The following CCDC171 variants were observed in gnomAD, a reference collection of about 807,000 sequenced individuals.
CCDC171 encodes coiled-coil domain-containing protein 171.
Under a neutral mutation model 168.2 loss-of-function variants are expected in CCDC171, and 177 were observed. The ratio of observed to expected loss-of-function variants is 1.05; its 90% CI spans 0.93 to 1.19. The LOEUF is 1.19. CCDC171 is among the 50% of genes most tolerant of loss of function. The pLI, the probability that CCDC171 is intolerant of heterozygous loss-of-function variation, is 0.00. For missense variants in CCDC171, 1,991 were observed against 1,539.0 expected (o/e 1.29, Z -4.91); for synonymous variants, 687 against 540.8 (o/e 1.27, Z -3.75).
intron 1 of CCDC171, among the ~76,000 whole-genome samples, chr9:16,051,654 T>C (rs1347518452): frequency 6.6e-6 from 1 of 152,214 alleles, no homozygotes; most frequent in African/African-American, 2.4e-5. Context: ...TGCACCATGA[T>C]GGATCTGGAA....
At chr9:15,590,019 C>G (rs991342751) in intron 4 of CCDC171, among the ~76,000 whole-genome samples, 1 of 152,086 alleles carries the variant, frequency 6.6e-6, no homozygotes, top group Non-Finnish European at 1.5e-5. Flanking sequence ...AGAAGTAGAC[C>G]TACTGCAGGC....
At chr9:15,944,682 T>C (rs973044784) in intron 25 of CCDC171, among the ~76,000 whole-genome samples, 1 of 152,004 alleles carries the variant, frequency 6.6e-6, no homozygotes, top group Non-Finnish European at 1.5e-5. Flanking sequence ...TTCCTGTTAT[T>C]ATTGTTAATG....
At chr9:15,768,030 C>T (rs1272763758) in intron 18 of CCDC171, among the ~76,000 whole-genome samples, 5 of 150,226 alleles carry the variant, frequency 3.3e-5, no homozygotes, top group Non-Finnish European at 5.9e-5. Flanking sequence ...CCACTGCGCC[C>T]AGCCACTTAG....
chr9:15,602,647 C>CTTTTTTTTTTTTTTT (rs1161286304), intron 6 of CCDC171, among the ~76,000 whole-genome samples: 734 of 30,128 alleles, frequency 0.024, 48 homozygotes, highest in Non-Finnish European at 0.03. Context: ...TTTTTTTTTT[C>CTTTTTTTTTTTTTTT]TTTTTTTTTT....
At chr9:15,705,076 C>G (rs993833757) in intron 11 of CCDC171, among the ~76,000 whole-genome samples, 2 of 137,204 alleles carry the variant, frequency 1.5e-5, no homozygotes, top group African/African-American at 5.4e-5. Context: ...GCTAATAGAT[C>G]TTAAGTATCC....
chr9:16,105,541 G>A, the CCDC171 span, among the ~76,000 whole-genome samples: 1 of 152,132 alleles, frequency 6.6e-6, no homozygotes, highest in Non-Finnish European at 1.5e-5. Context: ...ATTGTTATTG[G>A]AACTAGCCTT....
At chr9:15,799,495 A>G (rs117561574) in intron 21 of CCDC171, among the ~76,000 whole-genome samples, 1 of 151,844 alleles carries the variant, frequency 6.6e-6, no homozygotes, top group East Asian at 1.9e-4. Flanking sequence ...TGGAAACTTA[A>G]TAGGGTATGT....
intron 10 of CCDC171, among the ~76,000 whole-genome samples, chr9:15,689,819 T>G (rs1183258775): frequency 6.6e-6 from 1 of 152,104 alleles, no homozygotes. Context: ...GCTACAGTAG[T>G]CAAGATAGTA....
chr9:15,699,862 T>C (rs956224864), intron 11 of CCDC171, among the ~76,000 whole-genome samples: 2 of 152,188 alleles, frequency 1.3e-5, no homozygotes, highest in African/African-American at 4.8e-5. Flanking sequence ...AGGGTGCTGA[T>C]TGGTGTGTTT....
In CCDC171 at chr9:15,934,564, A is replaced by G. The variant is rs575837198; in HGVS notation, c.3753+14142A>G. The stretch of plus-strand genomic sequence containing the variant: ...GAACCCCTATACATTGCTGGTGGGA[A>G]TGTAAAGTGGTAAACCACTGTGGAA... On this transcript the variant is annotated intron_variant, in intron 25 of 25. Transcript: ENST00000380701. 1.8e-3 allele frequency among the ~76,000 whole-genome samples: 270 copies of G among 152,154 alleles called. 1 individual carries two copies. Among genetic ancestry groups the G allele is most frequent in the African/African-American group, 6.2e-3 (258 of 41,552 alleles).
intron 16 of CCDC171, among the ~76,000 whole-genome samples, chr9:15,736,403 G>A (rs2054495484): frequency 6.6e-6 from 1 of 151,768 alleles, no homozygotes. Flanking sequence ...TAGACTAGAG[G>A]TCAGTCGTGC....
chr9:15,634,322 C>G (rs1203368000), intron 7 of CCDC171, among the ~76,000 whole-genome samples: 2 of 151,874 alleles, frequency 1.3e-5, no homozygotes, highest in Non-Finnish European at 2.9e-5. Context: ...ATCTATAGGT[C>G]TTTTCTCTGT....
intron 3 of CCDC171, among the ~76,000 whole-genome samples, chr9:15,572,320 C>G (rs1159111446): frequency 1.3e-5 from 2 of 151,992 alleles, no homozygotes; most frequent in East Asian, 3.8e-4. Context: ...GTTTTTTCTC[C>G]TTTTTTCTCT....
rs143054414 is a variant in CCDC171 at position 15,616,133 on chromosome 9, G to A, written c.676-7134G>A. ...ACCTGGCTAATTTTTTGTACTTTTA[G>A]TAGAGACAAGTTTCCACCATGTTGG... is the stretch of plus-strand genomic sequence containing the variant. On this transcript the variant is annotated intron_variant, in intron 6 of 25. Transcript: ENST00000380701. 7.0e-3 allele frequency among the ~76,000 whole-genome samples: 1,057 copies of A among 152,050 alleles called. 3 individuals are homozygous for A. The highest frequency in any genetic ancestry group is 0.012 in the Non-Finnish European group (803 of 67,978).
At chr9:15,990,879 T>C (rs538987852) in intron 3 of CCDC171, among the ~76,000 whole-genome samples, 3 of 152,310 alleles carry the variant, frequency 2.0e-5, no homozygotes, top group Non-Finnish European at 4.4e-5. Flanking sequence ...GAGCTAGGTA[T>C]CCTAAATATA....
chr9:15,661,642 A>G (rs895509962), intron 8 of CCDC171, among the ~76,000 whole-genome samples: 4 of 152,226 alleles, frequency 2.6e-5, no homozygotes, highest in African/African-American at 4.8e-5. Context: ...ACTAATCACC[A>G]TCTTATAAAC....
chr9:15,576,788 A>G lies in CCDC171; in HGVS notation c.178-2061A>G, dbSNP rs919202915. 3.9e-5 allele frequency among the ~76,000 whole-genome samples: 6 copies of G among 152,332 alleles called. No homozygotes were observed. The East Asian group carries it at 7.7e-4, about 20-fold the overall frequency. On this transcript the variant is annotated intron_variant, in intron 3 of 25. Transcript: ENST00000380701. ...CAAGAGCTTTCAGTTCTTCTGCTATATAAGCTATTTCCTCCTGGAGCAGAC... is the reference window on the plus strand; with the variant it reads ...CAAGAGCTTTCAGTTCTTCTGCTATGTAAGCTATTTCCTCCTGGAGCAGAC...
At chr9:15,770,940 A>C (rs1464908840) in intron 18 of CCDC171, among the ~76,000 whole-genome samples, 1 of 152,154 alleles carries the variant, frequency 6.6e-6, no homozygotes, top group Non-Finnish European at 1.5e-5. Flanking sequence ...ACAGTTTTAC[A>C]TGAGGGAATC....
chr9:15,723,538 CTT>C lies in CCDC171; in HGVS notation c.1426-142_1426-141del, dbSNP rs2053617649. ...CAAAAGAAATAATTTTTTAAAGACT[CTT>C]AATTACTATTGAAAAATTTGTATTT... On this transcript the variant is annotated intron_variant, in intron 12 of 25. Transcript: ENST00000380701. 3 of 622,362 alleles carry C rather than the reference CTT, an allele frequency of 4.8e-6. No homozygotes were observed. The African/African-American group carries it at 5.9e-5, about 12-fold the overall frequency. The allele number at this position is 622,362 out of a possible 1,614,324, so 38.6% of individuals were successfully genotyped here.
Sources: gnomAD v4.1 joint callset for allele counts (sites outside exome capture counted in the v4.1 genomes callset) on GRCh38, gnomAD v4.1.1 for gene constraint, MANE v1.5 for transcripts, NCBI Gene and HGNC (gene_info 2026-07-23, HGNC 2026-07-21) for gene names.